FECH: variants seen among roughly 807,000 people sequenced by gnomAD.
The protein encoded by FECH is ferrochelatase.
FECH carries 40 observed loss-of-function variants against 56.9 expected under a neutral mutation model. The observed-to-expected ratio is 0.70, with a 90% CI of 0.55 to 0.92. The LOEUF (loss-of-function observed/expected upper bound fraction) is 0.92, where lower values mean the gene tolerates loss of function less well. FECH is among the 40% of genes least tolerant of loss of function. The probability of loss-of-function intolerance (pLI) is 0.00; values close to 1 mark genes in which losing one functional copy is unlikely to be tolerated. For missense variants in FECH, 431 were observed against 529.1 expected (o/e 0.81, Z 1.82); for synonymous variants, 175 against 198.6 (o/e 0.88, Z 1.00).
chr18:57,561,010 C>T (rs2050937361), intron 6 of FECH, among the ~76,000 whole-genome samples: 1 of 152,002 alleles, frequency 6.6e-6, no homozygotes, highest in Non-Finnish European at 1.5e-5. Context: ...GCAAATGTGA[C>T]AGGATTAGAT....
rs1419120851 is a variant in FECH, at chr18:57,548,233, A to G, written c.*2479T>C. On this transcript the variant is annotated 3_prime_UTR_variant, in exon 11 of 11. Transcript: ENST00000262093. ...ACCACTGCCCTCCAGCCTGGGTGACATAGCAAGACTCCATCTTAAAAAAAA... is the reference window on the plus strand; with the variant it reads ...ACCACTGCCCTCCAGCCTGGGTGACGTAGCAAGACTCCATCTTAAAAAAAA... 1 of 150,114 alleles carries G rather than the reference A, an allele frequency of 6.7e-6. No individual in the cohort carries two copies. The highest frequency in any genetic ancestry group is 2.0e-4 in the East Asian group (1 of 5,100). The allele number at this position is 150,114 out of a possible 1,614,324, so 9.3% of individuals were successfully genotyped here. A position where few individuals can be genotyped will look rare whatever the true frequency, so the allele number is the denominator to read the frequency against.
intron 4 of FECH, among the ~76,000 whole-genome samples, chr18:57,566,784 G>T (rs2051023357): frequency 1.3e-5 from 2 of 151,972 alleles, no homozygotes; most frequent in African/African-American, 4.8e-5. Context: ...GACTTTCTAG[G>T]ATCAGTACCC....
chr18:57,554,289 T>C lies in FECH; in HGVS notation c.1048A>G (p.Ile350Val). The stretch of plus-strand genomic sequence containing the variant: ...TTGGCTAAAACTTGAGAGTACTCGA[T>C]GTCCAGCTCATACAGCGTTTCAATA... The part of the protein sequence containing the change: ...DHIETLYELD[I>V]EYSQVLAKEC... The change falls in exon 9 of 11, where the codon ATC (isoleucine) becomes GTC (valine). Residue 350 changes from isoleucine to valine, a missense_variant. Transcript: ENST00000262093. The C allele has an allele frequency of 6.2e-7, 1 of 1,614,248 alleles. No homozygotes were observed. The highest frequency in any genetic ancestry group is 8.5e-7 in the Non-Finnish European group (1 of 1,180,036).
At chr18:57,551,401 A>G in intron 9 of FECH, 27 bp from the exon 10 acceptor site, 2 of 1,581,590 alleles carry the variant, frequency 1.3e-6, no homozygotes, top group South Asian at 1.1e-5. Context: ...AAGGGAGGAA[A>G]AACACAGATA....
chr18:57,563,237 T>C (rs527636936), intron 5 of FECH, among the ~76,000 whole-genome samples: 2 of 152,234 alleles, frequency 1.3e-5, no homozygotes, highest in South Asian at 4.1e-4. Context: ...AAGATGGCCG[T>C]AAAGTTATGA....
intron 5 of FECH, among the ~76,000 whole-genome samples, chr18:57,563,593 A>C (rs1465698060): frequency 1.3e-5 from 2 of 150,734 alleles, no homozygotes; most frequent in African/African-American, 2.4e-5. Context: ...AAAAAAAAAA[A>C]AAAAAAAAAA....
rs1568139389 is a variant in FECH at position 57,547,636 on chromosome 18, C to T, written c.*3076G>A. Among the ~76,000 whole-genome samples the T allele has an allele frequency of 2.0e-5, 3 of 151,770 alleles. No individual in the cohort carries two copies. The highest frequency in any genetic ancestry group is 7.3e-5 in the African/African-American group (3 of 41,332). Reference sequence around the variant, plus strand: ...ATGACCCAGTCTCTGTATTTCTTTTCTTTTTTTTGGTTTTGGGACAGGGTC... The same window carrying T: ...ATGACCCAGTCTCTGTATTTCTTTTTTTTTTTTTGGTTTTGGGACAGGGTC... On this transcript the variant is annotated 3_prime_UTR_variant, in exon 11 of 11. Coordinates refer to ENST00000262093, the MANE Select transcript of FECH (RefSeq NM_000140.5).
At position 57,586,650 on chromosome 18, in the gene FECH, C is replaced by A. The variant is rs766030808; in HGVS notation, c.-30G>T. The A allele has an allele frequency of 1.1e-4, 165 of 1,491,792 alleles. No homozygotes were observed. Among genetic ancestry groups the A allele is most frequent in the Non-Finnish European group, 1.4e-4 (158 of 1,127,160 alleles). 92.4% of individuals were successfully genotyped at this position (1,491,792 alleles called of 1,614,324 possible). A position where few individuals can be genotyped will look rare whatever the true frequency, so the allele number is the denominator to read the frequency against. ...TGGGCAGCCTCGGCCCGAGTCCGGG[C>A]TCCTCCCGCGGCGGCGCGCCCAGGT... is the stretch of plus-strand genomic sequence containing the variant. On this transcript the variant is annotated 5_prime_UTR_variant, in exon 1 of 11. Coordinates refer to ENST00000262093, the MANE Select transcript of FECH (RefSeq NM_000140.5).
Position 57,566,509 on chromosome 18 carries a change from C to G in FECH, c.536G>C (p.Arg179Thr). 1 of 1,614,212 alleles carries G rather than the reference C, an allele frequency of 6.2e-7. No individual in the cohort carries two copies. The highest frequency in any genetic ancestry group is 8.5e-7 in the Non-Finnish European group (1 of 1,180,028). Reference protein sequence around the residue: ...LTEEAIEEMERDGLERAIAFT... With the variant: ...LTEEAIEEMETDGLERAIAFT... ...AGCAATAGCCCTTTCTAGGCCATCT[C>G]TCTCCATCTCTTCAATTGCTTCTTC... is the stretch of plus-strand genomic sequence containing the variant. The change falls in exon 5 of 11, where the codon AGA becomes ACA. Residue 179 changes from arginine (R) to threonine (T), a missense_variant. Coordinates refer to ENST00000262093, the MANE Select transcript of FECH (RefSeq NM_000140.5).
intron 1 of FECH, among the ~76,000 whole-genome samples, chr18:57,581,599 G>A (rs564892497): frequency 6.6e-6 from 1 of 152,306 alleles, no homozygotes; most frequent in Admixed American, 6.5e-5. Flanking sequence ...CTCTGACTCT[G>A]AATTCAGCTC....
In FECH at chr18:57,554,274, C is replaced by T. The variant is rs369427571; in HGVS notation, c.1063G>A (p.Val355Ile). Residue 355 changes from valine to isoleucine, a missense_variant, in exon 9 of 11, where the codon GTT (valine) becomes ATT (isoleucine). Coordinates refer to ENST00000262093, the MANE Select transcript of FECH (RefSeq NM_000140.5). ...GGTGCATTTACCTCCTTGGCTAAAA[C>T]TTGAGAGTACTCGATGTCCAGCTCA... ...LYELDIEYSQ[V>I]LAKECGVENI... 3.1e-6 allele frequency: 5 copies of T among 1,614,224 alleles called. No individual in the cohort carries two copies. The East Asian group carries it at 8.9e-5, about 29-fold the overall frequency.
At chr18:57,560,317 G>T (rs894330485) in intron 6 of FECH, among the ~76,000 whole-genome samples, 3 of 152,130 alleles carry the variant, frequency 2.0e-5, no homozygotes, top group African/African-American at 7.2e-5. Context: ...ACACACACGG[G>T]GCGTGTAAAT....
chr18:57,551,227 A>G (rs2050793197), intron 10 of FECH, 88 bp downstream of exon 10: 1 of 951,260 alleles, frequency 1.1e-6, no homozygotes, highest in Non-Finnish European at 1.7e-6. Flanking sequence ...ATGTTCTAAT[A>G]TGTGAGAAAA....
intron 4 of FECH, among the ~76,000 whole-genome samples, chr18:57,567,174 TA>T (rs990231214): frequency 1.3e-5 from 2 of 151,992 alleles, no homozygotes; most frequent in Non-Finnish European, 2.9e-5. Context: ...CTCGTTTATA[TA>T]AAAAAATGCA....
Position 57,580,128 on chromosome 18 carries a change from T to A in FECH, c.139A>T (p.Thr47Ser). Residue 47 changes from threonine to serine, a missense_variant, in exon 2 of 11, where the codon ACA (threonine) becomes TCA (serine). Coordinates refer to ENST00000262093, the MANE Select transcript of FECH (RefSeq NM_000140.5). Reference protein sequence around the residue: ...KSGAAAAAVTTETAQHAQGAK... With the variant: ...KSGAAAAAVTSETAQHAQGAK... ...CCCTGGGCATGCTGGGCTGTTTCTG[T>A]GGTGACGGCCGCTGCAGCTGCACCT... 6.2e-7 allele frequency: 1 copy of A among 1,614,194 alleles called. No homozygotes were observed. Among genetic ancestry groups the A allele is most frequent in the Non-Finnish European group, 8.5e-7 (1 of 1,180,046 alleles).
chr18:57,582,639 C>T (rs1338631800), intron 1 of FECH, among the ~76,000 whole-genome samples: 1 of 150,946 alleles, frequency 6.6e-6, no homozygotes, highest in Admixed American at 6.6e-5. Flanking sequence ...AAAGGCCGGG[C>T]GCGGTGGTTC....
chr18:57,546,156 T>C lies in FECH; in HGVS notation c.*4556A>G, dbSNP rs879901811. Among the ~76,000 whole-genome samples, 3 of 152,226 alleles carry C rather than the reference T, an allele frequency of 2.0e-5. No individual in the cohort carries two copies. Among genetic ancestry groups the C allele is most frequent in the Non-Finnish European group, 4.4e-5 (3 of 68,040 alleles). ...CACCTAACGTTAGGAGCCCTGTTCC[T>C]GGGCCACCTTCAGGATTCTGGCAGA... On this transcript the variant is annotated 3_prime_UTR_variant, in exon 11 of 11. Coordinates refer to ENST00000262093, the MANE Select transcript of FECH (RefSeq NM_000140.5).
rs1046819495 is a variant in FECH at position 57,549,745 on chromosome 18, G to C, written c.*967C>G. 6.6e-6 allele frequency: 1 copy of C among 152,132 alleles called. No homozygotes were observed. 9.4% of individuals were successfully genotyped at this position (152,132 alleles called of 1,614,324 possible). ...TTCTGTATTCTTCACATGTCCCATT[G>C]TATCACTATACATTTTTATAATAAA... On this transcript the variant is annotated 3_prime_UTR_variant, in exon 11 of 11. Transcript: ENST00000262093.
At position 57,554,343 on chromosome 18, in the gene FECH, A is replaced by G. The variant is rs2122247965; in HGVS notation, c.994T>C (p.Leu332=). ...TCACTGGTAAATGCTATCGGAACCA[A>G]GAGGATATTCTTCCTCCCCCTCTCA... ...LCERGRKNIL[L]VPIAFTSDHI... Residue 332 remains leucine, a synonymous_variant, in exon 9 of 11, where the codon TTG becomes CTG. Transcript: ENST00000262093. 3 of 1,614,248 alleles carry G rather than the reference A, an allele frequency of 1.9e-6. No homozygotes were observed. The highest frequency in any genetic ancestry group is 2.2e-5 in the East Asian group (1 of 44,890).
Sources: gnomAD v4.1 joint callset for allele counts (sites outside exome capture counted in the v4.1 genomes callset) on GRCh38, gnomAD v4.1.1 for gene constraint, MANE v1.5 for transcripts, NCBI Gene and HGNC (gene_info 2026-07-23, HGNC 2026-07-21) for gene names.